Variants in CUL9 observed in about 807,000 individuals in gnomAD.
CUL9 encodes the protein cullin-9.
CUL9 carries 79 observed loss-of-function variants against 272.6 expected under a neutral mutation model. The observed-to-expected ratio is 0.29, with a 90% CI of 0.24 to 0.35. CUL9 has a LOEUF of 0.35. CUL9 is among the 10% of genes least tolerant of loss of function. The pLI, the probability that CUL9 is intolerant of heterozygous loss-of-function variation, is 1.00. For synonymous variants in CUL9, 1,186 were observed against 1,286.5 expected, an observed-to-expected ratio of 0.92 and a Z score of 1.67; for missense variants, 2,532 against 3,255.6, an observed-to-expected ratio of 0.78 and a Z score of 5.41.
chr6:43,186,227 C>T lies in CUL9; in HGVS notation c.1023C>T (p.Tyr341=), dbSNP rs776523576. ...CAACCCGGTCCATCTTTCAGCCCTA[C>T]ATTTCAGGCCCCAGCCTTTTACTCC... ...PRPTRSIFQP[Y]ISGPSLLLPT... is the part of the protein sequence containing the mutation. The change falls in exon 4 of 41, where the codon TAC becomes TAT. Residue 341 remains tyrosine, a synonymous_variant. Transcript: ENST00000252050. The T allele has an allele frequency of 5.0e-6, 8 of 1,614,150 alleles. No homozygotes were observed. The Admixed American group carries it at 6.7e-5, about 13-fold the overall frequency.
In CUL9 at chr6:43,213,322, C is replaced by T. The variant is rs1775670534; in HGVS notation, c.5358+28C>T. 3 of 1,612,976 alleles carry T rather than the reference C, an allele frequency of 1.9e-6. No individual in the cohort carries two copies. ...GCTTCAGCCCTTAGCCTCTCTCTGC[C>T]TTCTCTGCTACCTTATCTGTCGCTG... is the stretch of plus-strand genomic sequence containing the variant. On this transcript the variant is annotated intron_variant, in intron 27 of 40. Coordinates refer to ENST00000252050, the MANE Select transcript of CUL9 (RefSeq NM_015089.4). This position sits in a 1 kb window ranked among gnomAD's most constrained non-coding sequence, Gnocchi z 5.7.
chr6:43,208,079 T>C, intron 26 of CUL9, among the ~76,000 whole-genome samples: 1 of 152,258 alleles, frequency 6.6e-6, no homozygotes, highest in East Asian at 1.9e-4. Context: ...TAGAACTTTC[T>C]GCAATGATTG....
rs147443571 is a variant in CUL9 at position 43,196,763 on chromosome 6, G to A, written c.2704G>A (p.Gly902Arg). 141 of 1,614,056 alleles carry A rather than the reference G, an allele frequency of 8.7e-5. No homozygotes were observed. Among genetic ancestry groups the A allele is most frequent in the Non-Finnish European group, 1.1e-4 (130 of 1,180,050 alleles). ...GAGAGACACGTTGTTTAGGCACTCAGGGATAGCACCAAGAACAGAACCTAT... is the reference window on the plus strand; with the variant it reads ...GAGAGACACGTTGTTTAGGCACTCAAGGATAGCACCAAGAACAGAACCTAT... ...ELRDTLFRHS[G>R]IAPRTEPMPT... Residue 902 changes from glycine (G) to arginine (R), a missense_variant, in exon 11 of 41, where the codon GGG becomes AGG. Around this residue, in one of 3 missense-constraint regions of CUL9, gnomAD observed 2,218 missense variants for 2,788.6 expected, o/e 0.80. Coordinates refer to ENST00000252050, the MANE Select transcript of CUL9 (RefSeq NM_015089.4).
At chr6:43,201,565 T>G (rs1320118956) in intron 16 of CUL9, among the ~76,000 whole-genome samples, 1 of 152,230 alleles carries the variant, frequency 6.6e-6, no homozygotes, top group African/African-American at 2.4e-5. Context: ...CTGCAACTTC[T>G]GCCTCCCGGG....
chr6:43,216,637 C>G, intron 31 of CUL9, 134 bp downstream of exon 31: 1 of 812,340 alleles, frequency 1.2e-6, no homozygotes, highest in Non-Finnish European at 1.9e-6. Flanking sequence ...GTCTCTTAGT[C>G]CTTCTTAAAC....
Position 43,193,032 on chromosome 6 carries a change from C to G in CUL9, c.2212C>G (p.Leu738Val). 1 of 1,614,184 alleles carries G rather than the reference C, an allele frequency of 6.2e-7. No homozygotes were observed. The highest frequency in any genetic ancestry group is 8.5e-7 in the Non-Finnish European group (1 of 1,180,014). The change falls in exon 9 of 41, where the codon CTG (leucine) becomes GTG (valine). Residue 738 changes from leucine (L) to valine (V), a missense_variant. Physicochemically the swap from Leu to Val is conservative, Grantham distance 32 (BLOSUM62 1). Coordinates refer to ENST00000252050, the MANE Select transcript of CUL9 (RefSeq NM_015089.4). ...EKLVKMLVEL[L>V]TNQVGEKMVV... is the part of the protein sequence containing the mutation. ...GCTAGTGAAGATGCTGGTGGAGCTGCTGACCAACCAGGTGGGAGAGAAGAT... is the reference window on the plus strand; with the variant it reads ...GCTAGTGAAGATGCTGGTGGAGCTGGTGACCAACCAGGTGGGAGAGAAGAT...
chr6:43,213,615 C>T lies in CUL9; in HGVS notation c.5488+48C>T, dbSNP rs760377815. 11 of 1,601,976 alleles carry T rather than the reference C, an allele frequency of 6.9e-6. No individual in the cohort carries two copies. The highest frequency in any genetic ancestry group is 1.3e-5 in the African/African-American group (1 of 74,286). ...GAGCCTCTGCTGCTGGTCGGGGGGT[C>T]GCCCTCAAGATGGGGGGACTGTGAG... On this transcript the variant is annotated intron_variant, in intron 28 of 40. Transcript: ENST00000252050. The surrounding 1 kb of genome is among the most constrained non-coding windows in gnomAD (Gnocchi z 5.7).
At chr6:43,198,876 C>A in intron 12 of CUL9, 21 bp downstream of exon 12, 4 of 1,606,172 alleles carry the variant, frequency 2.5e-6, no homozygotes, top group Non-Finnish European at 3.4e-6. Context: ...TGTTGAGGCA[C>A]CATGCATTGG....
chr6:43,193,922 AT>A (rs137971002), intron 9 of CUL9, among the ~76,000 whole-genome samples: 10 of 151,562 alleles, frequency 6.6e-5, no homozygotes, highest in East Asian at 3.9e-4. Flanking sequence ...AACCAAAAGT[AT>A]TTTTTTTTCC....
In CUL9 at chr6:43,187,785, A is replaced by T; in HGVS notation, c.1654A>T (p.Ser552Cys). The stretch of plus-strand genomic sequence containing the variant: ...GGCCGAGAGTCTGCTGCAGGTTCTC[A>T]GTAGTCGATTTGAGGGCAGCACTCT... ...EMAESLLQVL[S>C]SRFEGSTLND... The change falls in exon 7 of 41, where the codon AGT becomes TGT. Residue 552 changes from serine (S) to cysteine (C), a missense_variant. Coordinates refer to ENST00000252050, the MANE Select transcript of CUL9 (RefSeq NM_015089.4). 6.2e-7 allele frequency: 1 copy of T among 1,613,916 alleles called. No individual in the cohort carries two copies. Among genetic ancestry groups the T allele is most frequent in the Non-Finnish European group, 8.5e-7 (1 of 1,179,962 alleles).
At position 43,220,487 on chromosome 6, in the gene CUL9, G is replaced by A. The variant is rs747895819; in HGVS notation, c.6311G>A (p.Arg2104Gln). The change falls in exon 32 of 41, where the codon CGG (arginine) becomes CAG (glutamine). Residue 2104 changes from arginine to glutamine, a missense_variant. By Grantham distance (43) the Arg-to-Gln change is conservative (BLOSUM62 1). Around this residue, in one of 3 missense-constraint regions of CUL9, gnomAD observed 2,218 missense variants for 2,788.6 expected, o/e 0.80. Transcript: ENST00000252050. This position sits in a 1 kb window ranked among gnomAD's most constrained non-coding sequence, Gnocchi z 4.9. ...TGCTGGAATGAGTACCTGACAACTC[G>A]GATCGAGCAGAACCTTGTTTTGAAT... is the stretch of plus-strand genomic sequence containing the variant. Reference protein sequence around the residue: ...KSCWNEYLTTRIEQNLVLNCT... With the variant: ...KSCWNEYLTTQIEQNLVLNCT... 15 of 1,614,114 alleles carry A rather than the reference G, an allele frequency of 9.3e-6. No individual in the cohort carries two copies. The highest frequency in any genetic ancestry group is 1.1e-5 in the Non-Finnish European group (13 of 1,180,008).
At chr6:43,222,994 C>T (rs1340460264) in intron 38 of CUL9, 98 bp downstream of exon 38, 6 of 1,009,404 alleles carry the variant, frequency 5.9e-6, no homozygotes, top group Non-Finnish European at 9.1e-6. Flanking sequence ...CCTTACCTTC[C>T]CTCTCTCCTC....
chr6:43,219,037 A>AT (rs1562060769), intron 31 of CUL9, among the ~76,000 whole-genome samples: 1 of 152,072 alleles, frequency 6.6e-6, no homozygotes, highest in Admixed American at 6.6e-5. Context: ...ATAGAAAAAA[A>AT]CTTTACCCAG....
In CUL9 at chr6:43,222,393, G is replaced by A. The variant is rs772658594; in HGVS notation, c.6921+3G>A. The A allele has an allele frequency of 5.0e-6, 8 of 1,611,526 alleles. No individual in the cohort carries two copies. The highest frequency in any genetic ancestry group is 6.8e-6 in the Non-Finnish European group (8 of 1,178,584). On this transcript the variant is annotated splice_donor_region_variant and intron_variant, in intron 36 of 40. Transcript: ENST00000252050. ...GCACTTTCCATCACCAGGCGCGGGTGAGTCGGGAGGAAACAGCGGGTAGAT... is the reference window on the plus strand; with the variant it reads ...GCACTTTCCATCACCAGGCGCGGGTAAGTCGGGAGGAAACAGCGGGTAGAT...
rs1454884373 is a variant in CUL9, at chr6:43,223,076, G to A, written c.7150+180G>A. The A allele has an allele frequency of 3.2e-6, 3 of 941,306 alleles. No individual in the cohort carries two copies. The highest frequency in any genetic ancestry group is 1.6e-6 in the Non-Finnish European group (1 of 632,378). 58.3% of individuals were successfully genotyped at this position (941,306 alleles called of 1,614,324 possible). A position where few individuals can be genotyped will look rare whatever the true frequency, so the allele number is the denominator to read the frequency against. The stretch of plus-strand genomic sequence containing the variant: ...TCAGGTCGAAAGCCTACATTGTAAG[G>A]TGCCCAAGGGCGCAGATGTTCGTGG... On this transcript the variant is annotated intron_variant, in intron 38 of 40. Coordinates refer to ENST00000252050, the MANE Select transcript of CUL9 (RefSeq NM_015089.4). This position sits in a 1 kb window ranked among gnomAD's most constrained non-coding sequence, Gnocchi z 4.1.
rs1381496272 is a variant in CUL9, at chr6:43,184,116, A to G, written c.-9-186A>G. 2.0e-5 allele frequency among the ~76,000 whole-genome samples: 3 copies of G among 152,132 alleles called. No individual in the cohort carries two copies. Among genetic ancestry groups the G allele is most frequent in the East Asian group, 3.9e-4 (2 of 5,168 alleles). ...GTCTTCACTCCATTCTCCTTCTGTT[A>G]TAAATCCCAAAGTATGTTCAGCTAT... On this transcript the variant is annotated intron_variant, in intron 1 of 40. Coordinates refer to ENST00000252050, the MANE Select transcript of CUL9 (RefSeq NM_015089.4). This position sits in a 1 kb window ranked among gnomAD's most constrained non-coding sequence, Gnocchi z 4.8.
chr6:43,203,871 G>A lies in CUL9; in HGVS notation c.4043G>A (p.Arg1348His), dbSNP rs762030908. The change falls in exon 20 of 41, where the codon CGC becomes CAC. Residue 1348 changes from arginine to histidine, a missense_variant. By Grantham distance (29) the Arg-to-His change is conservative (BLOSUM62 0). Around this residue, in one of 3 missense-constraint regions of CUL9, gnomAD observed 2,218 missense variants for 2,788.6 expected, o/e 0.80. Transcript: ENST00000252050. The surrounding 1 kb of genome is among the most constrained non-coding windows in gnomAD (Gnocchi z 5.0). ...QLCPRLNRVL[R>H]HEQNFADRFL... ...GTTCCCAGACTGAACAGGGTTTTGCGCCACGAGCAGAATTTTGCTGACCGC... is the reference window on the plus strand; with the variant it reads ...GTTCCCAGACTGAACAGGGTTTTGCACCACGAGCAGAATTTTGCTGACCGC... 4.3e-6 allele frequency: 7 copies of A among 1,612,112 alleles called. No individual in the cohort carries two copies. The Admixed American group carries it at 6.7e-5, about 15-fold the overall frequency.
rs1224930901 is a variant in CUL9, at chr6:43,196,262, A to G, written c.2582A>G (p.Glu861Gly). The change falls in exon 10 of 41, where the codon GAG becomes GGG. Residue 861 changes from glutamate (E) to glycine (G), a missense_variant. Physicochemically the swap from Glu to Gly is moderately conservative, Grantham distance 98. Around this residue, in one of 3 missense-constraint regions of CUL9, gnomAD observed 2,218 missense variants for 2,788.6 expected, o/e 0.80. Coordinates refer to ENST00000252050, the MANE Select transcript of CUL9 (RefSeq NM_015089.4). ...PAAVILMLNT[E>G]GCSSAARNGL... ...GCCGTGATCCTGATGCTGAATACTG[A>G]GGGGTCAGGGCATTACCTTCCCAAC... 8 of 1,612,690 alleles carry G rather than the reference A, an allele frequency of 5.0e-6. No homozygotes were observed. The highest frequency in any genetic ancestry group is 5.9e-6 in the Non-Finnish European group (7 of 1,179,542).
intron 29 of CUL9, among the ~76,000 whole-genome samples, chr6:43,214,315 G>C (rs1481016156): frequency 2.0e-5 from 3 of 152,180 alleles, no homozygotes; most frequent in Admixed American, 6.5e-5. Context: ...AGCTACTTGG[G>C]AGGCCGAGGC....
Sources: allele counts gnomAD v4.1 joint callset (sites outside exome capture counted in the v4.1 genomes callset), GRCh38; gene constraint gnomAD v4.1.1; regional missense constraint gnomAD v4.1.1; non-coding constraint Gnocchi (gnomAD v3.1); transcripts MANE v1.5; gene names NCBI Gene and HGNC (gene_info 2026-07-23, HGNC 2026-07-21).